The following TTC6 variants were observed in gnomAD, a reference collection of about 807,000 sequenced individuals.
TTC6 encodes the protein tetratricopeptide repeat protein 6.
Under a neutral mutation model 210.4 loss-of-function variants are expected in TTC6, and 172 were observed. The observed-to-expected ratio is 0.82, with a 90% confidence interval of 0.72 to 0.93. The LOEUF is 0.93. Among genes scored for constraint, TTC6 ranks in the 40% least tolerant of loss-of-function variants. TTC6 has a pLI of 0.00. For missense variants in TTC6, 2,414 were observed against 2,318.1 expected (o/e 1.04, Z -0.85); for synonymous variants, 804 against 819.6 (o/e 0.98, Z 0.32).
Position 37,812,841 on chromosome 14 carries a change from C to G in TTC6, c.4689+408C>G, listed in dbSNP as rs148406560. Among the ~76,000 whole-genome samples, 23 of 152,194 alleles carry G rather than the reference C, an allele frequency of 1.5e-4. No homozygotes were observed. The East Asian group carries it at 3.5e-3, about 23-fold the overall frequency. On this transcript the variant is annotated intron_variant, in intron 25 of 30. Transcript: ENST00000553443. ...TTTCAAACAGGGCAGGAAATAGTTA[C>G]TCAGAATGGGTTACTGGTAACAGGC...
chr14:37,741,255 T>C (rs1034486332), intron 10 of TTC6, among the ~76,000 whole-genome samples: 1 of 150,972 alleles, frequency 6.6e-6, no homozygotes, highest in African/African-American at 2.4e-5. Flanking sequence ...GTTCCTATAC[T>C]TTGAGACTTT....
chr14:37,678,300 G>A (rs67879498), intron 1 of TTC6, among the ~76,000 whole-genome samples: 7,726 of 152,190 alleles, frequency 0.051, 193 homozygotes, highest in South Asian at 0.093. Context: ...AATGTACCAC[G>A]TATCTTGCAT....
chr14:37,669,404 T>G (rs1229505761), intron 1 of TTC6, among the ~76,000 whole-genome samples: 2 of 152,014 alleles, frequency 1.3e-5, no homozygotes, highest in Non-Finnish European at 2.9e-5. Context: ...ATCTAAGGAG[T>G]GTTTCTCCAC....
intron 5 of TTC6, among the ~76,000 whole-genome samples, chr14:37,710,160 CCT>C (rs1398102926): frequency 1.3e-5 from 2 of 152,102 alleles, no homozygotes; most frequent in African/African-American, 4.8e-5. Context: ...TCCTGTGAAG[CCT>C]CTCTCAGGCT....
intron 1 of TTC6, among the ~76,000 whole-genome samples, chr14:37,605,194 C>T (rs754483820): frequency 6.6e-6 from 1 of 152,142 alleles, no homozygotes; most frequent in African/African-American, 2.4e-5. Flanking sequence ...CAAGTGAAGA[C>T]CAGAAATTGA....
At chr14:37,768,211 G>A (rs1358976991) in intron 14 of TTC6, among the ~76,000 whole-genome samples, 1 of 151,114 alleles carries the variant, frequency 6.6e-6, no homozygotes, top group Non-Finnish European at 1.5e-5. Flanking sequence ...TAGCCTTGTA[G>A]TATAGTTTGA....
At chr14:37,813,553 G>A (rs557151725) in intron 25 of TTC6, among the ~76,000 whole-genome samples, 61 of 152,234 alleles carry the variant, frequency 4.0e-4, no homozygotes, top group Non-Finnish European at 6.5e-4. Flanking sequence ...CTACACACCG[G>A]GTCCTCAACA....
At chr14:37,809,974 G>A (rs929842086) in intron 24 of TTC6, among the ~76,000 whole-genome samples, 8 of 152,220 alleles carry the variant, frequency 5.3e-5, no homozygotes, top group Middle Eastern at 3.4e-3. Context: ...TCACATTCCC[G>A]CTGTTCTGTG....
chr14:37,806,911 T>C (rs907621550), intron 22 of TTC6, among the ~76,000 whole-genome samples: 6 of 152,212 alleles, frequency 3.9e-5, no homozygotes, highest in African/African-American at 1.2e-4. Context: ...GAAATTTGAA[T>C]CTGGTCTAAG....
chr14:37,761,245 G>A (rs1399529023), intron 14 of TTC6, among the ~76,000 whole-genome samples: 1 of 151,884 alleles, frequency 6.6e-6, no homozygotes, highest in Non-Finnish European at 1.5e-5. Context: ...TCCCTTGGTT[G>A]GGGAGGGAGG....
intron 24 of TTC6, among the ~76,000 whole-genome samples, chr14:37,810,781 T>A (rs571784063): frequency 6.6e-6 from 1 of 152,208 alleles, no homozygotes; most frequent in African/African-American, 2.4e-5. Flanking sequence ...TCCCAAGATA[T>A]AGTTTCATAA....
chr14:37,649,202 G>C (rs530746693), intron 1 of TTC6, among the ~76,000 whole-genome samples: 1 of 152,264 alleles, frequency 6.6e-6, no homozygotes, highest in South Asian at 2.1e-4. Flanking sequence ...TCTCAGGCTA[G>C]TCTGGGGCCT....
chr14:37,631,223 T>G (rs1424164198), intron 1 of TTC6, among the ~76,000 whole-genome samples: 2 of 152,050 alleles, frequency 1.3e-5, no homozygotes, highest in Non-Finnish European at 2.9e-5. Context: ...CTTTACAATT[T>G]GGTATGTTTT....
chr14:37,683,302 G>T (rs1422970577), intron 3 of TTC6, among the ~76,000 whole-genome samples: 1 of 152,066 alleles, frequency 6.6e-6, no homozygotes, highest in Non-Finnish European at 1.5e-5. Context: ...ATAGAACTTG[G>T]TGAATTTTAT....
At position 37,665,723 on chromosome 14, in the gene TTC6, T is replaced by G. The variant is rs145690628; in HGVS notation, c.940-14428T>G. On this transcript the variant is annotated intron_variant, in intron 1 of 30. Transcript: ENST00000553443. ...AGCATCTTGAAGAAAAAGGGCTATGTGAGAAGAACACAAGCAAGTTAAGCA... is the reference window on the plus strand; with the variant it reads ...AGCATCTTGAAGAAAAAGGGCTATGGGAGAAGAACACAAGCAAGTTAAGCA... Among the ~76,000 whole-genome samples, 503 of 150,788 alleles carry G rather than the reference T, an allele frequency of 3.3e-3. 11 individuals are homozygous for G. The highest frequency in any genetic ancestry group is 0.011 in the African/African-American group (448 of 41,458).
At chr14:37,762,391 C>A (rs2095987180) in intron 14 of TTC6, among the ~76,000 whole-genome samples, 1 of 152,128 alleles carries the variant, frequency 6.6e-6, no homozygotes, top group African/African-American at 2.4e-5. Context: ...GTTTTTAAGG[C>A]ACCACCATAC....
At chr14:37,692,533 A>G (rs2095805801) in intron 3 of TTC6, among the ~76,000 whole-genome samples, 1 of 152,130 alleles carries the variant, frequency 6.6e-6, no homozygotes, top group Admixed American at 6.5e-5. Flanking sequence ...AAAACTGGGT[A>G]TAGAAGGAAC....
intron 24 of TTC6, among the ~76,000 whole-genome samples, chr14:37,809,793 C>T (rs2096126084): frequency 1.3e-5 from 2 of 152,100 alleles, no homozygotes; most frequent in South Asian, 2.1e-4. Context: ...CTTACCTACT[C>T]TCTTCTCTCC....
At chr14:37,748,320 G>T (rs369995005) in intron 10 of TTC6, among the ~76,000 whole-genome samples, 1 of 152,208 alleles carries the variant, frequency 6.6e-6, no homozygotes, top group Non-Finnish European at 1.5e-5. Flanking sequence ...TTCTTATTCC[G>T]ATAGACTGAG....
Sources: allele counts gnomAD v4.1 joint callset (sites outside exome capture counted in the v4.1 genomes callset), GRCh38; gene constraint gnomAD v4.1.1; transcripts MANE v1.5; gene names NCBI Gene and HGNC (gene_info 2026-07-23, HGNC 2026-07-21).